The following FGGY variants were observed in gnomAD, a reference collection of about 807,000 sequenced individuals.
The protein encoded by FGGY is FGGY carbohydrate kinase domain containing, also known as FGGY carbohydrate kinase domain-containing protein.
In FGGY, 72 loss-of-function variants were observed where a neutral mutation model predicts 71.3. That is an observed-to-expected ratio of 1.01 (90% confidence interval 0.84 to 1.23). FGGY has a LOEUF of 1.23. Among genes scored for constraint, FGGY ranks in the 50% most tolerant of loss-of-function variants. The probability of loss-of-function intolerance (pLI) is 0.00; values close to 1 mark genes in which losing one functional copy is unlikely to be tolerated. For synonymous variants in FGGY, 251 were observed against 250.3 expected (o/e 1.00, Z -0.02); for missense variants, 668 against 682.3 (o/e 0.98, Z 0.23).
Position 59,451,361 on chromosome 1 carries a change from G to GT in FGGY, c.555-5592dup, listed in dbSNP as rs200663528. On this transcript the variant is annotated intron_variant, in intron 5 of 15. Transcript: ENST00000303721. ...ATTTTCAGTTCCAGACTGTTACTAA[G>GT]TTTTTTTTGTTGTTGTTTGTTTTTT... Among the ~76,000 whole-genome samples the GT allele has an allele frequency of 4.5e-5, 6 of 133,842 alleles. No homozygotes were observed. In the South Asian group the frequency reaches 7.2e-4, roughly 16 times the overall value. 87.8% of individuals were successfully genotyped at this position (133,842 alleles called of 152,430 possible). A position where few individuals can be genotyped will look rare whatever the true frequency, so the allele number is the denominator to read the frequency against.
Position 59,598,356 on chromosome 1 carries a change from T to C in FGGY, c.904-9447T>C, listed in dbSNP as rs144326958. Among the ~76,000 whole-genome samples the C allele has an allele frequency of 1.1e-4, 16 of 152,340 alleles. No homozygotes were observed. In the South Asian group the frequency reaches 1.7e-3, roughly 16 times the overall value. The stretch of plus-strand genomic sequence containing the variant: ...CTCTTGCAAAGCAATCTGGGTGCAT[T>C]AACTATAAATGAATGAGAAACATAT... On this transcript the variant is annotated intron_variant, in intron 8 of 15. Coordinates refer to ENST00000303721, the MANE Select transcript of FGGY (RefSeq NM_018291.5).
chr1:59,751,574 C>T (rs12405584), intron 14 of FGGY, among the ~76,000 whole-genome samples: 27,307 of 152,152 alleles, frequency 0.18, 2,928 homozygotes, highest in Non-Finnish European at 0.23. Context: ...TGTAAAAGTA[C>T]ACTATATGTC....
chr1:59,384,927 T>C (rs1185414435), intron 5 of FGGY, among the ~76,000 whole-genome samples: 1 of 152,226 alleles, frequency 6.6e-6, no homozygotes, highest in African/African-American at 2.4e-5. Flanking sequence ...TGGCATCCTC[T>C]GGGCCAAGGA....
chr1:59,648,742 T>G (rs1340245472), intron 11 of FGGY, among the ~76,000 whole-genome samples: 1 of 151,478 alleles, frequency 6.6e-6, no homozygotes, highest in African/African-American at 2.5e-5. Context: ...GTGCAGAAGC[T>G]CTTTAGTTTA....
chr1:59,351,085 A>C (rs1431657957), intron 4 of FGGY, among the ~76,000 whole-genome samples: 3 of 152,240 alleles, frequency 2.0e-5, no homozygotes, highest in African/African-American at 7.2e-5. Context: ...TGACTTATGA[A>C]AATAATATGA....
At chr1:59,748,026 A>C (rs1475124812) in intron 14 of FGGY, among the ~76,000 whole-genome samples, 1 of 152,180 alleles carries the variant, frequency 6.6e-6, no homozygotes, top group Non-Finnish European at 1.5e-5. Flanking sequence ...TTTAAATAAT[A>C]AGACCTTCCT....
chr1:59,411,507 C>A (rs1467444999), intron 5 of FGGY, among the ~76,000 whole-genome samples: 1 of 152,166 alleles, frequency 6.6e-6, no homozygotes, highest in African/African-American at 2.4e-5. Flanking sequence ...GCTTCTTATA[C>A]CTTTGTCCAC....
chr1:59,540,757 C>T (rs1407614529), intron 7 of FGGY, among the ~76,000 whole-genome samples: 3 of 152,144 alleles, frequency 2.0e-5, no homozygotes, highest in Non-Finnish European at 2.9e-5. Context: ...TATGAAATAA[C>T]CTGGCTCTGA....
chr1:59,632,522 G>A (rs941949372), intron 10 of FGGY, among the ~76,000 whole-genome samples: 2 of 151,772 alleles, frequency 1.3e-5, no homozygotes, highest in African/African-American at 4.8e-5. Context: ...CCTCTATATC[G>A]CGAATCGCAG....
chr1:59,614,364 A>G (rs1382982013), intron 9 of FGGY, among the ~76,000 whole-genome samples: 2 of 152,202 alleles, frequency 1.3e-5, no homozygotes, highest in African/African-American at 2.4e-5. Flanking sequence ...CAATAAACGT[A>G]ATCCTGCATA....
At chr1:59,362,099 CATTTT>C (rs1309637381) in intron 4 of FGGY, among the ~76,000 whole-genome samples, 1 of 152,226 alleles carries the variant, frequency 6.6e-6, no homozygotes, top group Non-Finnish European at 1.5e-5. Flanking sequence ...ATTTCCCACA[CATTTT>C]ATTCACGTCT....
At chr1:59,567,402 G>A (rs955291929) in intron 8 of FGGY, among the ~76,000 whole-genome samples, 7 of 152,082 alleles carry the variant, frequency 4.6e-5, no homozygotes, top group African/African-American at 1.7e-4. Context: ...TTAGTTGATC[G>A]TTGTAGCCTT....
At chr1:59,396,111 T>G (rs2061292355) in intron 5 of FGGY, among the ~76,000 whole-genome samples, 1 of 151,966 alleles carries the variant, frequency 6.6e-6, no homozygotes, top group African/African-American at 2.4e-5. Context: ...CTCTTGGGAG[T>G]GGGACCAAAT....
intron 1 of FGGY, among the ~76,000 whole-genome samples, chr1:59,301,080 C>T (rs1266730105): frequency 1.3e-5 from 2 of 151,886 alleles, no homozygotes; most frequent in Non-Finnish European, 2.9e-5. Flanking sequence ...TTTGAAATAC[C>T]AAGTCTTCTG....
At chr1:59,743,138 C>G (rs1176305986) in intron 14 of FGGY, among the ~76,000 whole-genome samples, 1 of 152,182 alleles carries the variant, frequency 6.6e-6, no homozygotes, top group Non-Finnish European at 1.5e-5. Context: ...TCATTTTATC[C>G]AGTCATCTTG....
chr1:59,470,860 A>G lies in FGGY; in HGVS notation c.670+13784A>G, dbSNP rs1319989008. 2.0e-5 allele frequency among the ~76,000 whole-genome samples: 3 copies of G among 152,220 alleles called. No homozygotes were observed. In the East Asian group the frequency reaches 5.8e-4, roughly 29 times the overall value. ...TGGCTTGTTTTTCATTTTGATTTGA[A>G]TGAGCCATATAATTCAGTTATTTCT... On this transcript the variant is annotated intron_variant, in intron 6 of 15. Transcript: ENST00000303721.
chr1:59,725,746 C>A (rs2097939730), intron 14 of FGGY, among the ~76,000 whole-genome samples: 1 of 152,058 alleles, frequency 6.6e-6, no homozygotes, highest in African/African-American at 2.4e-5. Context: ...ACCCTGTATC[C>A]TATACCCTTA....
intron 4 of FGGY, among the ~76,000 whole-genome samples, chr1:59,362,155 G>A (rs2055682297): frequency 6.6e-6 from 1 of 151,768 alleles, no homozygotes; most frequent in Admixed American, 6.6e-5. Context: ...ATTCTTTTTG[G>A]TCTCTTTGTT....
rs1261384761 is a variant in FGGY at position 59,333,699 on chromosome 1, C to T, written c.202-6259C>T. 3.9e-5 allele frequency among the ~76,000 whole-genome samples: 6 copies of T among 152,188 alleles called. No homozygotes were observed. In the South Asian group the frequency reaches 8.3e-4, roughly 21 times the overall value. On this transcript the variant is annotated intron_variant, in intron 2 of 15. Coordinates refer to ENST00000303721, the MANE Select transcript of FGGY (RefSeq NM_018291.5). ...CAAAGCAAGAGAGGAGTTGCAATGG[C>T]TAGAATTGTGTAACTTGCCTTCAGC...
Sources: allele counts gnomAD v4.1 joint callset (sites outside exome capture counted in the v4.1 genomes callset), GRCh38; gene constraint gnomAD v4.1.1; transcripts MANE v1.5; gene names NCBI Gene and HGNC (gene_info 2026-07-23, HGNC 2026-07-21).